The following STK31 variants were observed in gnomAD, a reference collection of about 807,000 sequenced individuals.
STK31 encodes the protein serine/threonine kinase 31.
A neutral mutation model predicts 129.7 loss-of-function variants in STK31; 89 were observed. That is an observed-to-expected ratio of 0.69 (90% CI 0.58 to 0.82). The LOEUF (loss-of-function observed/expected upper bound fraction) is 0.82. Among genes scored for constraint, STK31 ranks in the 40% least tolerant of loss-of-function variants. The pLI is 0.00. For synonymous variants in STK31, 448 were observed against 395.3 expected, an observed-to-expected ratio of 1.13 and a Z score of -1.58; for missense variants, 1,187 against 1,176.4, an observed-to-expected ratio of 1.01 and a Z score of -0.13.
chr7:23,771,172 T>C, intron 14 of STK31, 48 bp downstream of exon 14: 1 of 1,479,446 alleles, frequency 6.8e-7, no homozygotes, highest in Non-Finnish European at 9.0e-7. Context: ...ATGATTTGAA[T>C]TTTTCAGTAC....
chr7:23,757,575 C>T (rs895946006), intron 10 of STK31, among the ~76,000 whole-genome samples: 3 of 152,106 alleles, frequency 2.0e-5, no homozygotes, highest in East Asian at 1.9e-4. Flanking sequence ...GTAGTATTGC[C>T]GTCAGCATGT....
intron 12 of STK31, 112 bp downstream of exon 12, chr7:23,769,286 T>A: frequency 1.9e-6 from 2 of 1,031,946 alleles, no homozygotes; most frequent in Non-Finnish European, 2.6e-6. Flanking sequence ...ATGTATCAGA[T>A]TTAAAATTGC....
At chr7:23,732,325 T>C (rs1032295018) in intron 6 of STK31, among the ~76,000 whole-genome samples, 11 of 152,336 alleles carry the variant, frequency 7.2e-5, no homozygotes, top group Non-Finnish European at 1.5e-4. Context: ...ATTTTTTAAG[T>C]GCAGGTATAT....
chr7:23,735,990 C>T (rs1210783401), intron 7 of STK31, 94 bp downstream of exon 7: 3 of 1,049,872 alleles, frequency 2.9e-6, no homozygotes, highest in East Asian at 2.4e-5. Context: ...GAATCCTTTA[C>T]TGTGTCAGTG....
At chr7:23,792,484 C>A (rs12666547) in intron 22 of STK31, among the ~76,000 whole-genome samples, 57,308 of 151,874 alleles carry the variant, frequency 0.38, 11,598 homozygotes, top group East Asian at 0.61. Context: ...ATAAATGGAG[C>A]GATACACCAT....
chr7:23,721,776 C>A, intron 4 of STK31: 1 of 666,444 alleles, frequency 1.5e-6, no homozygotes, highest in South Asian at 1.5e-5. Flanking sequence ...GTGTTTTGTC[C>A]AGTTCTGCGT....
chr7:23,729,654 CCT>C (rs1787287046), intron 6 of STK31, among the ~76,000 whole-genome samples: 1 of 132,774 alleles, frequency 7.5e-6, no homozygotes, highest in African/African-American at 3.8e-5. Context: ...GGATTACAGG[CCT>C]GTGCCACCAT....
intron 22 of STK31, among the ~76,000 whole-genome samples, chr7:23,797,015 G>A (rs2128118086): frequency 6.6e-6 from 1 of 152,078 alleles, no homozygotes; most frequent in South Asian, 2.1e-4. Flanking sequence ...GAAAGTGTAA[G>A]AAGGGCATTA....
intron 8 of STK31, among the ~76,000 whole-genome samples, chr7:23,737,654 T>C (rs1787794691): frequency 6.6e-6 from 1 of 152,226 alleles, no homozygotes. Context: ...ATGTTGATTG[T>C]AGTTTTCTCC....
At position 23,749,194 on chromosome 7, in the gene STK31, T is replaced by C. The variant is rs185280892; in HGVS notation, c.1018-3523T>C. On this transcript the variant is annotated intron_variant, in intron 8 of 23. Transcript: ENST00000355870. ...ATGCTATCTACTTTCTCCATTATGA[T>C]GCGTAGCATATTAATCATAATTGTT... 1.4e-3 allele frequency among the ~76,000 whole-genome samples: 219 copies of C among 152,366 alleles called. 3 individuals are homozygous for C. Among genetic ancestry groups the C allele is most frequent in the East Asian group, 3.1e-3 (16 of 5,190 alleles).
chr7:23,754,404 T>A lies in STK31; in HGVS notation c.1223T>A (p.Leu408Ter). Reference sequence around the variant, plus strand: ...GGGTGCTTTACTACTCCAGCTTCTTTGAATGGATTAGAGATAATATGGGCA... The same window carrying A: ...GGGTGCTTTACTACTCCAGCTTCTTAGAATGGATTAGAGATAATATGGGCA... The part of the protein sequence containing the change: ...DEGCFTTPAS[L>*]NGLEIIWAEY... The change falls in exon 10 of 24, where the codon TTG (leucine) becomes TAG (stop). Residue 408 changes from leucine to a stop codon, truncating the protein, a stop_gained. Transcript: ENST00000355870. LOFTEE classifies it high-confidence loss of function. 6.2e-7 allele frequency: 1 copy of A among 1,614,070 alleles called. No homozygotes were observed. Among genetic ancestry groups the A allele is most frequent in the Non-Finnish European group, 8.5e-7 (1 of 1,179,948 alleles).
At chr7:23,790,461 T>C (rs959851211) in intron 21 of STK31, among the ~76,000 whole-genome samples, 1 of 152,188 alleles carries the variant, frequency 6.6e-6, no homozygotes, top group East Asian at 1.9e-4. Context: ...AAGTGCTTTG[T>C]AGGATTTCAG....
intron 11 of STK31, among the ~76,000 whole-genome samples, 189 bp downstream of exon 11, chr7:23,763,112 G>A (rs1789571357): frequency 6.6e-6 from 1 of 152,070 alleles, no homozygotes; most frequent in African/African-American, 2.4e-5. Flanking sequence ...ATGTTTATAT[G>A]CATATCTATC....
At chr7:23,786,073 A>G (rs1241909064) in intron 18 of STK31, among the ~76,000 whole-genome samples, 1 of 152,150 alleles carries the variant, frequency 6.6e-6, no homozygotes. Flanking sequence ...TCATTTCCCT[A>G]AATAGAATAT....
At chr7:23,757,334 C>G (rs977055473) in intron 10 of STK31, among the ~76,000 whole-genome samples, 1 of 152,066 alleles carries the variant, frequency 6.6e-6, no homozygotes, top group Non-Finnish European at 1.5e-5. Flanking sequence ...GACCGGCGCT[C>G]AGCATGTGGA....
At position 23,795,454 on chromosome 7, in the gene STK31, A is replaced by G. The variant is rs541103616; in HGVS notation, c.2760+4508A>G. On this transcript the variant is annotated intron_variant, in intron 22 of 23. Transcript: ENST00000355870. ...TTCTGCAGGGGTGGAGCCCTTATGAAGATACTCTGCTAAGACAGTGCAAAA... is the reference window on the plus strand; with the variant it reads ...TTCTGCAGGGGTGGAGCCCTTATGAGGATACTCTGCTAAGACAGTGCAAAA... Among the ~76,000 whole-genome samples, 7 of 152,316 alleles carry G rather than the reference A, an allele frequency of 4.6e-5. No homozygotes were observed. In the East Asian group the frequency reaches 1.2e-3, roughly 25 times the overall value.
At chr7:23,790,983 A>T in intron 22 of STK31, 37 bp downstream of exon 22, 1 of 1,398,098 alleles carries the variant, frequency 7.2e-7, no homozygotes, top group South Asian at 1.7e-5. Flanking sequence ...TCATATATAT[A>T]TATATTTCAG....
chr7:23,796,731 T>C (rs1357349646), intron 22 of STK31, among the ~76,000 whole-genome samples: 1 of 152,130 alleles, frequency 6.6e-6, no homozygotes, highest in Admixed American at 6.5e-5. Context: ...CACTGTGTTT[T>C]GTGCTTTTAA....
At chr7:23,712,027 A>G (rs1176633199) in intron 1 of STK31, 72 bp from the exon 2 acceptor site, 10 of 1,254,500 alleles carry the variant, frequency 8.0e-6, no homozygotes, top group Non-Finnish European at 1.1e-5. Flanking sequence ...TAAGAATTGA[A>G]CATGATGTAG....
Sources: gnomAD v4.1 joint callset for allele counts (sites outside exome capture counted in the v4.1 genomes callset) on GRCh38, gnomAD v4.1.1 for gene constraint, MANE v1.5 for transcripts, NCBI Gene and HGNC (gene_info 2026-07-23, HGNC 2026-07-21) for gene names.